The following CTNNA2 variants were observed in gnomAD, a reference collection of about 807,000 sequenced individuals.
CTNNA2 encodes the protein catenin alpha 2, also known as catenin alpha-2.
A neutral mutation model predicts 101.0 loss-of-function variants in CTNNA2; 42 were observed. The observed-to-expected ratio is 0.42, with a 90% confidence interval of 0.32 to 0.54. The LOEUF (loss-of-function observed/expected upper bound fraction) is 0.54, where lower values mean the gene tolerates loss of function less well. Among genes scored for constraint, CTNNA2 ranks in the 20% least tolerant of loss-of-function variants. The pLI, the probability that CTNNA2 is intolerant of heterozygous loss-of-function variation, is 0.14. For missense variants in CTNNA2, 871 were observed against 1,223.1 expected (o/e 0.71, Z 4.29); for synonymous variants, 450 against 456.4 (o/e 0.99, Z 0.18).
At chr2:79,719,382 G>A (rs898992732) in intron 2 of CTNNA2, among the ~76,000 whole-genome samples, 5 of 152,096 alleles carry the variant, frequency 3.3e-5, no homozygotes, top group Non-Finnish European at 7.4e-5. Context: ...ATATGCATGT[G>A]CGTGTCTTTT....
chr2:79,240,304 A>T (rs950812241), intron 2 of CTNNA2, among the ~76,000 whole-genome samples: 7 of 151,756 alleles, frequency 4.6e-5, no homozygotes, highest in Non-Finnish European at 8.8e-5. Flanking sequence ...TGGTATACAG[A>T]TTGCTTCATC....
intron 7 of CTNNA2, among the ~76,000 whole-genome samples, chr2:80,300,284 GTGTGTGTGTGTGTGTGTGT>G (rs1676154524): frequency 8.3e-5 from 1 of 12,090 alleles, no homozygotes; most frequent in Admixed American, 8.3e-4. Context: ...GTGTTGGGGT[GTGTGTGTGTGTGTGTGTGT>G]GTGTGTGTGT....
At chr2:79,655,828 CAA>C (rs34282777) in intron 2 of CTNNA2, among the ~76,000 whole-genome samples, 27,307 of 136,128 alleles carry the variant, frequency 0.2, 2,761 homozygotes, top group East Asian at 0.46. Context: ...GACTCCATCT[CAA>C]AAAAAAAAAA....
At chr2:80,620,014 T>C (rs752090161) in intron 18 of CTNNA2, among the ~76,000 whole-genome samples, 7 of 151,894 alleles carry the variant, frequency 4.6e-5, no homozygotes, top group Non-Finnish European at 8.8e-5. Context: ...TCTCCACTTC[T>C]TTCCTCGTTC....
intron 3 of CTNNA2, among the ~76,000 whole-genome samples, chr2:79,840,418 A>G (rs1461728189): frequency 6.6e-6 from 1 of 152,194 alleles, no homozygotes; most frequent in African/African-American, 2.4e-5. Context: ...CATTATTTCA[A>G]TCATGCTAAT....
chr2:79,946,868 C>A (rs1688529909), intron 7 of CTNNA2, among the ~76,000 whole-genome samples: 1 of 152,232 alleles, frequency 6.6e-6, no homozygotes, highest in East Asian at 1.9e-4. Flanking sequence ...GCAAAAGCAC[C>A]AAAAACTGTT....
chr2:80,442,931 C>T (rs1223848738), intron 9 of CTNNA2, among the ~76,000 whole-genome samples: 1 of 152,212 alleles, frequency 6.6e-6, no homozygotes, highest in Non-Finnish European at 1.5e-5. Flanking sequence ...CTTTCTGTTT[C>T]TCCCATGCAT....
intron 9 of CTNNA2, among the ~76,000 whole-genome samples, chr2:80,473,657 C>T (rs1418233582): frequency 6.6e-6 from 1 of 152,202 alleles, no homozygotes; most frequent in Non-Finnish European, 1.5e-5. Context: ...AGTCAGTTTA[C>T]ATTTTACTAA....
Position 80,189,185 on chromosome 2 carries a change from C to G in CTNNA2, c.1057-204026C>G, listed in dbSNP as rs561809105. 2.6e-5 allele frequency among the ~76,000 whole-genome samples: 4 copies of G among 152,142 alleles called. No homozygotes were observed. The South Asian group carries it at 8.3e-4, about 32-fold the overall frequency. On this transcript the variant is annotated intron_variant, in intron 7 of 18. Transcript: ENST00000402739. ...GCCTGGCTGGTCTCAAACTCCTGGC[C>G]TCAGGTGATCCACCTGCCTTGGCCT...
chr2:79,322,263 C>T (rs935109509), intron 3 of CTNNA2, among the ~76,000 whole-genome samples: 29 of 152,174 alleles, frequency 1.9e-4, no homozygotes, highest in Admixed American at 2.0e-4. Flanking sequence ...TGAATAGTCT[C>T]TTAGGTGATA....
At chr2:80,375,246 A>G (rs1675830489) in intron 7 of CTNNA2, among the ~76,000 whole-genome samples, 1 of 152,198 alleles carries the variant, frequency 6.6e-6, no homozygotes, top group African/African-American at 2.4e-5. Flanking sequence ...GCCTCGGGAA[A>G]GGCACAGGAG....
chr2:80,612,715 G>A (rs1178583505), intron 17 of CTNNA2, among the ~76,000 whole-genome samples: 1 of 151,414 alleles, frequency 6.6e-6, no homozygotes, highest in Non-Finnish European at 1.5e-5. Flanking sequence ...GCATCTAATT[G>A]TGTAGACCTG....
At chr2:79,765,883 C>G (rs907865528) in intron 3 of CTNNA2, among the ~76,000 whole-genome samples, 1 of 152,160 alleles carries the variant, frequency 6.6e-6, no homozygotes, top group African/African-American at 2.4e-5. Flanking sequence ...CTCCCATTGC[C>G]TAGATTATAA....
At chr2:79,979,072 C>A (rs1024940432) in intron 7 of CTNNA2, among the ~76,000 whole-genome samples, 1 of 152,128 alleles carries the variant, frequency 6.6e-6, no homozygotes, top group Non-Finnish European at 1.5e-5. Context: ...GGGAATCACA[C>A]TCTTGGATGA....
intron 2 of CTNNA2, among the ~76,000 whole-genome samples, chr2:79,270,759 A>T (rs1675063706): frequency 6.6e-6 from 1 of 152,100 alleles, no homozygotes; most frequent in South Asian, 2.1e-4. Flanking sequence ...TTTCTTTGTT[A>T]CTAGCTCCAG....
intron 3 of CTNNA2, among the ~76,000 whole-genome samples, chr2:79,813,552 A>C (rs73941320): frequency 2.6e-3 from 400 of 152,306 alleles, no homozygotes; most frequent in African/African-American, 9.2e-3. Context: ...ATGATTCACT[A>C]TACCTTCAAT....
At chr2:79,879,716 G>A (rs879583053) in intron 6 of CTNNA2, among the ~76,000 whole-genome samples, 1 of 152,060 alleles carries the variant, frequency 6.6e-6, no homozygotes, top group Non-Finnish European at 1.5e-5. Flanking sequence ...GGGAGTTTCT[G>A]GGCTGACATG....
At chr2:79,579,755 C>T (rs1676032955) in intron 1 of CTNNA2, among the ~76,000 whole-genome samples, 1 of 152,270 alleles carries the variant, frequency 6.6e-6, no homozygotes, top group African/African-American at 2.4e-5. Flanking sequence ...GCTGGGATTA[C>T]AGGCATGTAC....
chr2:80,471,830 A>T (rs1161723758), intron 9 of CTNNA2, among the ~76,000 whole-genome samples: 1 of 150,008 alleles, frequency 6.7e-6, no homozygotes, highest in Non-Finnish European at 1.5e-5. Flanking sequence ...TAAAAAAAAA[A>T]TGCATAAAGA....
Sources: gnomAD v4.1 joint callset for allele counts (sites outside exome capture counted in the v4.1 genomes callset) on GRCh38, gnomAD v4.1.1 for gene constraint, MANE v1.5 for transcripts, NCBI Gene and HGNC (gene_info 2026-07-23, HGNC 2026-07-21) for gene names.